The following STAG1 variants were observed in gnomAD, a reference collection of about 807,000 sequenced individuals.
STAG1 encodes the protein STAG1 cohesin complex component, also known as cohesin subunit SA-1.
A neutral mutation model predicts 170.9 loss-of-function variants in STAG1; 26 were observed. That is an observed-to-expected ratio of 0.15 (90% CI 0.11 to 0.21). The LOEUF (loss-of-function observed/expected upper bound fraction) is 0.21, where lower values mean the gene tolerates loss of function less well. STAG1 is among the 10% of genes least tolerant of loss of function. STAG1 has a pLI of 1.00. For synonymous variants in STAG1, 514 were observed against 497.7 expected (o/e 1.03, Z -0.44); for missense variants, 964 against 1,509.5 (o/e 0.64, Z 5.99).
At chr3:136,499,685 A>C (rs1351407573) in intron 9 of STAG1, 4 of 152,356 alleles carry the variant, frequency 2.6e-5, no homozygotes, top group Non-Finnish European at 5.9e-5. Flanking sequence ...ATCATTAGCA[A>C]TGGAGGATAA....
intron 3 of STAG1, among the ~76,000 whole-genome samples, chr3:136,620,197 CT>C (rs1160905656): frequency 6.6e-6 from 1 of 151,160 alleles, no homozygotes; most frequent in Admixed American, 6.6e-5. Context: ...CAAGAAATGC[CT>C]TTTAAAAGTA....
intron 5 of STAG1, among the ~76,000 whole-genome samples, chr3:136,549,997 T>A (rs552719179): frequency 6.6e-6 from 1 of 152,316 alleles, no homozygotes; most frequent in African/African-American, 2.4e-5. Flanking sequence ...ATTTGGTGAA[T>A]AATATGCTGT....
At chr3:136,593,246 G>A (rs1304704532) in intron 4 of STAG1, among the ~76,000 whole-genome samples, 2 of 152,160 alleles carry the variant, frequency 1.3e-5, no homozygotes, top group Non-Finnish European at 2.9e-5. Context: ...GGACCAGGCT[G>A]GGACCCACCC....
intron 7 of STAG1, among the ~76,000 whole-genome samples, chr3:136,504,956 G>A (rs911281558): frequency 1.3e-5 from 2 of 151,890 alleles, no homozygotes; most frequent in African/African-American, 4.8e-5. Flanking sequence ...ATATATCTTC[G>A]GAAACATATT....
At chr3:136,488,122 G>GT (rs2090052961) in intron 9 of STAG1, among the ~76,000 whole-genome samples, 1 of 152,158 alleles carries the variant, frequency 6.6e-6, no homozygotes, top group African/African-American at 2.4e-5. Flanking sequence ...TGAGACAAAT[G>GT]TTTTTTTGTT....
chr3:136,536,987 T>C (rs540031555), intron 6 of STAG1, among the ~76,000 whole-genome samples: 1 of 152,332 alleles, frequency 6.6e-6, no homozygotes, highest in South Asian at 2.1e-4. Context: ...TTGTCCCCAA[T>C]AGATCGAACT....
At chr3:136,600,735 A>C (rs775707663) in intron 4 of STAG1, among the ~76,000 whole-genome samples, 69 of 152,030 alleles carry the variant, frequency 4.5e-4, no homozygotes, top group Non-Finnish European at 9.1e-4. Flanking sequence ...GGATTTTACC[A>C]TATTGGCCAG....
intron 16 of STAG1, among the ~76,000 whole-genome samples, chr3:136,425,244 G>A (rs1335011361): frequency 6.6e-6 from 1 of 152,072 alleles, no homozygotes; most frequent in Non-Finnish European, 1.5e-5. Context: ...ACAGCCAGAA[G>A]AAAATGAAGA....
At chr3:136,668,234 A>AATAT (rs140311530) in intron 1 of STAG1, among the ~76,000 whole-genome samples, 1 of 147,792 alleles carries the variant, frequency 6.8e-6, no homozygotes, top group Non-Finnish European at 1.5e-5. Context: ...GACTGTCTCA[A>AATAT]ATATATATAT....
chr3:136,649,756 A>G (rs1225063842), intron 1 of STAG1, among the ~76,000 whole-genome samples: 2 of 140,658 alleles, frequency 1.4e-5, no homozygotes, highest in Non-Finnish European at 3.1e-5. Flanking sequence ...TTTCCGTAGC[A>G]AAAAAAAAAA....
rs200109738 is a variant in STAG1, at chr3:136,574,925, G to GT, written c.298-6065dup. Among the ~76,000 whole-genome samples, 635 of 152,242 alleles carry GT rather than the reference G, an allele frequency of 4.2e-3. 5 individuals carry two copies. Among genetic ancestry groups the GT allele is most frequent in the African/African-American group, 0.015 (607 of 41,550 alleles). On this transcript the variant is annotated intron_variant, in intron 4 of 33. Transcript: ENST00000383202. Reference sequence around the variant, plus strand: ...AAAATAAATCATAAATCAAACCTCTGTAAGTTTTTAAACACTGAAATAATA... The same window carrying GT: ...AAAATAAATCATAAATCAAACCTCTGTTAAGTTTTTAAACACTGAAATAATA...
Position 136,424,524 on chromosome 3 carries a change from G to A in STAG1, c.1651-1480C>T, listed in dbSNP as rs548375328. 3.9e-5 allele frequency among the ~76,000 whole-genome samples: 6 copies of A among 151,998 alleles called. No homozygotes were observed. The East Asian group carries it at 7.8e-4, about 20-fold the overall frequency. ...TAAGTTTTGTATTTTTGGTAGAGAC[G>A]GGTTTTCACCATATTGGCCAGGCTG... On this transcript the variant is annotated intron_variant, in intron 16 of 33. Coordinates refer to ENST00000383202, the MANE Select transcript of STAG1 (RefSeq NM_005862.3).
chr3:136,747,093 T>TAAAAAAAAAAAA (rs71134408), intron 1 of STAG1, among the ~76,000 whole-genome samples: 4 of 59,324 alleles, frequency 6.7e-5, no homozygotes, highest in Non-Finnish European at 5.8e-5. Context: ...TGAAACTGTC[T>TAAAAAAAAAAAA]AAAAAAAAAA....
At chr3:136,370,751 G>A (rs962775739) in intron 23 of STAG1, among the ~76,000 whole-genome samples, 173 of 152,144 alleles carry the variant, frequency 1.1e-3, no homozygotes, top group African/African-American at 2.4e-3. Flanking sequence ...TTCTTAATCT[G>A]GTCTATCATT....
chr3:136,502,976 G>C (rs1196330011), intron 7 of STAG1, among the ~76,000 whole-genome samples, 197 bp from the exon 8 acceptor site: 1 of 152,056 alleles, frequency 6.6e-6, no homozygotes, highest in Non-Finnish European at 1.5e-5. Context: ...CTCTACCTCA[G>C]CTTGGCTTGT....
chr3:136,447,633 G>A (rs376403818), intron 14 of STAG1, among the ~76,000 whole-genome samples: 5 of 104,060 alleles, frequency 4.8e-5, no homozygotes, highest in African/African-American at 1.9e-4. Context: ...TTGAGACAGA[G>A]TCTTAAACTG....
rs147346737 is a variant in STAG1 at position 136,644,835 on chromosome 3, C to T, written c.-83-13854G>A. ...TCACCGGCTCAAGCCATCCTCCTAC[C>T]TCAGCCTCCCCAGTAGCTGGGACTA... On this transcript the variant is annotated intron_variant, in intron 1 of 33. Transcript: ENST00000383202. Among the ~76,000 whole-genome samples, 539 of 152,296 alleles carry T rather than the reference C, an allele frequency of 3.5e-3. 7 individuals are homozygous for T. The highest frequency in any genetic ancestry group is 0.012 in the African/African-American group (516 of 41,562).
chr3:136,498,213 TATATATATATA>T (rs1198331335), intron 9 of STAG1, among the ~76,000 whole-genome samples: 6 of 38,884 alleles, frequency 1.5e-4, no homozygotes, highest in African/African-American at 5.6e-4. Flanking sequence ...AAAAAAATTA[TATATATATATA>T]TATATATATA....
chr3:136,713,498 G>A (rs565743801), intron 1 of STAG1, among the ~76,000 whole-genome samples: 1 of 151,024 alleles, frequency 6.6e-6, no homozygotes, highest in African/African-American at 2.4e-5. Context: ...CAGAAGAATC[G>A]CTTGAATCCG....
Sources: gnomAD v4.1 joint callset for allele counts (sites outside exome capture counted in the v4.1 genomes callset) on GRCh38, gnomAD v4.1.1 for gene constraint, MANE v1.5 for transcripts, NCBI Gene and HGNC (gene_info 2026-07-23, HGNC 2026-07-21) for gene names.